The following PINLYP variants were observed in gnomAD, a reference collection of about 807,000 sequenced individuals.
PINLYP encodes the protein phospholipase A2 inhibitor and LY6/PLAUR domain containing.
PINLYP carries 12 observed loss-of-function variants against 15.8 expected under a neutral mutation model. That is an observed-to-expected ratio of 0.76 (90% CI 0.49 to 1.23). PINLYP has a LOEUF of 1.23. Ranked by LOEUF, PINLYP falls within the 50% of genes most tolerant of loss-of-function variation. The pLI, the probability that PINLYP is intolerant of heterozygous loss-of-function variation, is 0.00. For missense variants in PINLYP, 278 were observed against 264.2 expected (o/e 1.05, Z -0.36); for synonymous variants, 93 against 97.7 (o/e 0.95, Z 0.28).
chr19:43,578,831 G>C, intron 3 of PINLYP, 125 bp downstream of exon 3: 1 of 697,414 alleles, frequency 1.4e-6, no homozygotes, highest in South Asian at 1.6e-5. Flanking sequence ...AATCAGTGGA[G>C]AGCAGGAAAG....
At chr19:43,577,154 A>G (rs755864511) in exon 2 of PINLYP, 1 of 1,535,962 alleles carries the variant, frequency 6.5e-7, no homozygotes, top group South Asian at 1.2e-5. Context: ...TCAGCTTCCT[A>G]TAAAAGCTGG....
In PINLYP at chr19:43,577,168, C is replaced by T. The variant is rs970189180; in HGVS notation, c.-24C>T. ...CTCAGCTTCCTATAAAAGCTGGGGA[C>T]CAGGTACTGCTGATACACACACCAT... On this transcript the variant is annotated 5_prime_UTR_variant, in exon 2 of 6. Coordinates refer to ENST00000599207, the Ensembl canonical transcript of PINLYP. 1.7e-4 allele frequency: 255 copies of T among 1,535,866 alleles called. No individual in the cohort carries two copies. Among genetic ancestry groups the T allele is most frequent in the Non-Finnish European group, 2.2e-4 (251 of 1,146,828 alleles).
intron 2 of PINLYP, among the ~76,000 whole-genome samples, chr19:43,578,110 C>G (rs2146080738): frequency 6.6e-6 from 1 of 152,158 alleles, no homozygotes; most frequent in South Asian, 2.1e-4. Flanking sequence ...AAGTCCTCTG[C>G]CCTCCTGGTC....
rs1308119293 is a variant in PINLYP at position 43,578,907 on chromosome 19, C to T, written c.187+201C>T. 32 of 522,580 alleles carry T rather than the reference C, an allele frequency of 6.1e-5. No homozygotes were observed. In the East Asian group the frequency reaches 1.1e-3, roughly 18 times the overall value. The allele number at this position is 522,580 out of a possible 1,614,324, so 32.4% of individuals were successfully genotyped here. ...GGTGTGATAGAAATCATTATTGTCA[C>T]AGAATTCTGAAAATGACACTGTCCT... On this transcript the variant is annotated intron_variant, in intron 3 of 5. Transcript: ENST00000599207.
rs1373591940 is a variant in PINLYP at position 43,581,689 on chromosome 19, G to T, written c.467G>T (p.Gly156Val). 3.3e-6 allele frequency: 5 copies of T among 1,536,210 alleles called. No individual in the cohort carries two copies. The East Asian group carries it at 7.3e-5, about 23-fold the overall frequency. ...GAAAACCACTGCGTCTCCTTATCTG[G>T]ACACGTGCAGGCTGGTGAGTGGTGC... is the stretch of plus-strand genomic sequence containing the variant. Residue 156 changes from glycine (G) to valine (V), a missense_variant, in exon 5 of 6, where the codon GGA becomes GTA. By Grantham distance (109) the Gly-to-Val change is moderately radical. Coordinates refer to ENST00000599207, the Ensembl canonical transcript of PINLYP.
At position 43,581,342 on chromosome 19, in the gene PINLYP, C is replaced by G. The variant is rs74492024; in HGVS notation, c.318C>G (p.Gly106=). 1.5e-4 allele frequency: 223 copies of G among 1,536,812 alleles called. 1 individual carries two copies. The African/African-American group carries it at 2.7e-3, about 19-fold the overall frequency. ...GCTCCTTCTGCTGCCAGAGCGACGG[C>G]TGCAACAGTGCCTTTTTGTCTGGTA... The change falls in exon 4 of 6, where the codon GGC becomes GGG. Residue 106 remains glycine, a synonymous_variant. Transcript: ENST00000599207.
chr19:43,577,005 G>A, intron 1 of PINLYP, 86 bp downstream of exon 1: 1 of 1,102,648 alleles, frequency 9.1e-7, no homozygotes, highest in Non-Finnish European at 1.3e-6. Flanking sequence ...TGGAGGTGGG[G>A]GGCTGGGCAC....
At chr19:43,576,877 T>C (rs1333172191) in exon 1 of PINLYP, 3 of 358,324 alleles carry the variant, frequency 8.4e-6, no homozygotes, top group Non-Finnish European at 5.1e-6. Context: ...AACTCCGTCT[T>C]GGTCTTCAAG....
At chr19:43,580,620 CCGTGG>C in intron 3 of PINLYP, 1 of 91,198 alleles carries the variant, frequency 1.1e-5, no homozygotes. Context: ...AGAGGGGTGG[CCGTGG>C]GTGGGGTGGG....
rs1003524466 is a variant in PINLYP, at chr19:43,581,375, C to G, written c.340+11C>G. On this transcript the variant is annotated intron_variant, in intron 4 of 5. Coordinates refer to ENST00000599207, the Ensembl canonical transcript of PINLYP. ...GTGCCTTTTTGTCTGGTAAGAAGCC[C>G]GTGGTGTGTGGTGTGTGCTCTGGCT... 1.3e-6 allele frequency: 2 copies of G among 1,536,482 alleles called. No homozygotes were observed. The highest frequency in any genetic ancestry group is 2.0e-5 in the Admixed American group (1 of 50,986).
At chr19:43,575,563 T>A, upstream of PINLYP, 1 of 1,284,862 alleles carries the variant, frequency 7.8e-7, no homozygotes, top group Non-Finnish European at 1.1e-6. Flanking sequence ...CTGGCTAAAG[T>A]GCGCAAGCGC....
rs528158938 is a variant in PINLYP at position 43,577,377 on chromosome 19, G to A, written c.70+116G>A. 2.3e-5 allele frequency: 25 copies of A among 1,100,886 alleles called. 2 individuals are homozygous for A. The African/African-American group carries it at 2.7e-4, about 12-fold the overall frequency. The allele number at this position is 1,100,886 out of a possible 1,614,324, so 68.2% of individuals were successfully genotyped here. The stretch of plus-strand genomic sequence containing the variant: ...CCTTCAGCAAGTCCTCAAGGTGAAC[G>A]GGGAGGCATTCTGGAAATTCAGATT... On this transcript the variant is annotated intron_variant, in intron 2 of 5. Transcript: ENST00000599207.
At chr19:43,578,845 G>A (rs1972897218) in intron 3 of PINLYP, 139 bp downstream of exon 3, 1 of 655,864 alleles carries the variant, frequency 1.5e-6, no homozygotes, top group Non-Finnish European at 2.7e-6. Flanking sequence ...AGGAAAGAGG[G>A]AAAGACCATC....
intron 3 of PINLYP, among the ~76,000 whole-genome samples, chr19:43,579,775 G>C (rs1306079583): frequency 1.3e-5 from 2 of 151,418 alleles, no homozygotes; most frequent in Non-Finnish European, 2.9e-5. Context: ...GGTGGCACAT[G>C]CCTGTAGTCC....
At chr19:43,582,000 G>A (rs1972941756) in exon 6 of PINLYP, 3 of 1,536,016 alleles carry the variant, frequency 2.0e-6, no homozygotes, top group Admixed American at 2.0e-5. Flanking sequence ...CACTCCCCCT[G>A]AAAAGCTATC....
chr19:43,576,921 T>G lies in PINLYP; in HGVS notation c.-78+2T>G, dbSNP rs2146079261. 6 of 455,452 alleles carry G rather than the reference T, an allele frequency of 1.3e-5. No homozygotes were observed. Among genetic ancestry groups the G allele is most frequent in the South Asian group, 4.1e-5 (1 of 24,358 alleles). 28.2% of individuals were successfully genotyped at this position (455,452 alleles called of 1,614,324 possible). On this transcript the variant is annotated splice_donor_variant, in intron 1 of 5. Transcript: ENST00000599207. LOFTEE classifies it low-confidence loss of function (5UTR_SPLICE). Reference sequence around the variant, plus strand: ...CAAACAACAATGGGCCGTGGGAAGGTGAGAAAACAGGGTGGTGACTTTCTG... The same window carrying G: ...CAAACAACAATGGGCCGTGGGAAGGGGAGAAAACAGGGTGGTGACTTTCTG...
chr19:43,580,036 G>A (rs1295292152), intron 3 of PINLYP, among the ~76,000 whole-genome samples: 2 of 152,304 alleles, frequency 1.3e-5, no homozygotes, highest in East Asian at 3.9e-4. Flanking sequence ...AAAGCTGAAA[G>A]AGACTTTCAA....
Position 43,576,923 on chromosome 19 carries a change from A to G in PINLYP, c.-78+4A>G. 2.1e-6 allele frequency: 1 copy of G among 484,498 alleles called. No individual in the cohort carries two copies. The highest frequency in any genetic ancestry group is 3.4e-5 in the East Asian group (1 of 29,434). 30.0% of individuals were successfully genotyped at this position (484,498 alleles called of 1,614,324 possible). On this transcript the variant is annotated splice_donor_region_variant and intron_variant, in intron 1 of 5. Transcript: ENST00000599207. Reference sequence around the variant, plus strand: ...AACAACAATGGGCCGTGGGAAGGTGAGAAAACAGGGTGGTGACTTTCTGGG... The same window carrying G: ...AACAACAATGGGCCGTGGGAAGGTGGGAAAACAGGGTGGTGACTTTCTGGG...
chr19:43,581,694 G>A lies in PINLYP; in HGVS notation c.472G>A (p.Val158Met), dbSNP rs771797326. Residue 158 changes from valine to methionine, a missense_variant, in exon 5 of 6, where the codon GTG (valine) becomes ATG (methionine). By Grantham distance (21) the Val-to-Met change is conservative (BLOSUM62 1). Transcript: ENST00000599207. ...CCACTGCGTCTCCTTATCTGGACAC[G>A]TGCAGGCTGGTGAGTGGTGCCTGAA... 8.7e-5 allele frequency: 134 copies of A among 1,536,160 alleles called. No homozygotes were observed. The African/African-American group carries it at 1.2e-3, about 14-fold the overall frequency.
Sources: gnomAD v4.1 joint callset for allele counts (sites outside exome capture counted in the v4.1 genomes callset) on GRCh38, gnomAD v4.1.1 for gene constraint, MANE v1.5 for transcripts, NCBI Gene and HGNC (gene_info 2026-07-23, HGNC 2026-07-21) for gene names.